Variants in RIMKLB observed in about 807,000 individuals in gnomAD.
The protein encoded by RIMKLB is ribosomal modification protein rimK like family member B.
Under a neutral mutation model 32.0 loss-of-function variants are expected in RIMKLB, and 7 were observed. The observed-to-expected ratio is 0.22, with a 90% CI of 0.12 to 0.41. The LOEUF (loss-of-function observed/expected upper bound fraction) is 0.41, where lower values mean the gene tolerates loss of function less well. Among genes scored for constraint, RIMKLB ranks in the 10% least tolerant of loss-of-function variants. The pLI, the probability that RIMKLB is intolerant of heterozygous loss-of-function variation, is 1.00. For synonymous variants in RIMKLB, 172 were observed against 185.1 expected (o/e 0.93, Z 0.57); for missense variants, 289 against 498.7 (o/e 0.58, Z 4.00).
chr12:8,742,927 A>C, intron 2 of RIMKLB: 1 of 168,562 alleles, frequency 5.9e-6, no homozygotes, highest in Middle Eastern at 1.8e-3. Context: ...GCAACAAGGG[A>C]GCTCTCTCAG....
At chr12:8,734,381 A>C (rs765210073) in intron 2 of RIMKLB, among the ~76,000 whole-genome samples, 17 of 152,334 alleles carry the variant, frequency 1.1e-4, no homozygotes, top group African/African-American at 3.8e-4. Context: ...AGGTATTTTG[A>C]AAGTAAATAT....
At chr12:8,757,008 T>C (rs904536625) in intron 5 of RIMKLB, among the ~76,000 whole-genome samples, 2 of 152,174 alleles carry the variant, frequency 1.3e-5, no homozygotes, top group Non-Finnish European at 2.9e-5. Flanking sequence ...GAAAAATGAC[T>C]TCTGCCTCCT....
Position 8,742,783 on chromosome 12 carries a change from G to A in RIMKLB, c.176-7079G>A, listed in dbSNP as rs780555308. The A allele has an allele frequency of 8.2e-4, 182 of 221,574 alleles. 11 individuals carry two copies. The highest frequency in any genetic ancestry group is 4.1e-3 in the African/African-American group (175 of 42,958). The allele number at this position is 221,574 out of a possible 1,614,324, so 13.7% of individuals were successfully genotyped here. A position where few individuals can be genotyped will look rare whatever the true frequency, so the allele number is the denominator to read the frequency against. ...CTAACCAAGTCCAGGCAGCTTTCCA[G>A]GAGCTGTGCCTTCTGATGGTTATTG... is the stretch of plus-strand genomic sequence containing the variant. On this transcript the variant is annotated intron_variant, in intron 2 of 5. Coordinates refer to ENST00000535829, the MANE Select transcript of RIMKLB (RefSeq NM_001297776.2).
chr12:8,749,971 A>G lies in RIMKLB; in HGVS notation c.285A>G (p.Leu95=), dbSNP rs370832682. The part of the protein sequence containing the change: ...SDSDITVLRH[L]EKMGCRLMNR... ...GTGACATCACTGTTTTGCGCCATCT[A>G]GAGAAGATGGGATGTCGGTTAATGA... Residue 95 remains leucine, a synonymous_variant, in exon 3 of 6, where the codon CTA becomes CTG. Transcript: ENST00000535829. The G allele has an allele frequency of 6.2e-6, 10 of 1,613,276 alleles. No individual in the cohort carries two copies. The African/African-American group carries it at 6.7e-5, about 11-fold the overall frequency.
At chr12:8,727,468 C>G (rs934343118) in intron 2 of RIMKLB, among the ~76,000 whole-genome samples, 1 of 152,164 alleles carries the variant, frequency 6.6e-6, no homozygotes, top group Non-Finnish European at 1.5e-5. Flanking sequence ...TGAACTCAAC[C>G]TCAGGTAATC....
intron 5 of RIMKLB, among the ~76,000 whole-genome samples, chr12:8,759,879 T>G (rs1020750723): frequency 2.0e-5 from 3 of 152,230 alleles, no homozygotes; most frequent in African/African-American, 7.2e-5. Context: ...CTATTAGAGA[T>G]TCTATTAGAG....
At chr12:8,682,771 T>C (rs1211006055) in intron 1 of RIMKLB, among the ~76,000 whole-genome samples, 1 of 113,938 alleles carries the variant, frequency 8.8e-6, no homozygotes, top group Non-Finnish European at 1.8e-5. Flanking sequence ...AGATTCCGCC[T>C]CAAAAAAAAA....
intron 2 of RIMKLB, among the ~76,000 whole-genome samples, chr12:8,723,660 GTTTAT>G (rs934593321): frequency 1.3e-4 from 19 of 151,908 alleles, no homozygotes; most frequent in African/African-American, 4.1e-4. Context: ...GAATCTAGAT[GTTTAT>G]TTCTCTCTAG....
chr12:8,776,303 C>G lies in RIMKLB; in HGVS notation c.*2519C>G, dbSNP rs1950723368. ...TTAGAATGAAAAGAGCAGTAGTTAT[C>G]TTAGATTTTAAAAACATGGATATCT... On this transcript the variant is annotated 3_prime_UTR_variant, in exon 6 of 6. Transcript: ENST00000535829. 3 of 972,594 alleles carry G rather than the reference C, an allele frequency of 3.1e-6. No homozygotes were observed. In the African/African-American group the frequency reaches 5.3e-5, roughly 17 times the overall value. 60.2% of individuals were successfully genotyped at this position (972,594 alleles called of 1,614,324 possible). A position where few individuals can be genotyped will look rare whatever the true frequency, so the allele number is the denominator to read the frequency against.
In RIMKLB at chr12:8,721,554, A is replaced by G. The variant is rs1945440093; in HGVS notation, c.175+7513A>G. Among the ~76,000 whole-genome samples the G allele has an allele frequency of 2.6e-5, 4 of 152,304 alleles. No homozygotes were observed. The South Asian group carries it at 8.3e-4, about 32-fold the overall frequency. ...TGTTCAGCAATCTTCATGAGACTGC[A>G]GCAGTTTAATCCCGTCTCAGGCTAC... is the stretch of plus-strand genomic sequence containing the variant. On this transcript the variant is annotated intron_variant, in intron 2 of 5. Transcript: ENST00000535829.
At chr12:8,748,559 C>CGCAT (rs1555168490) in intron 2 of RIMKLB, among the ~76,000 whole-genome samples, 1,803 of 125,658 alleles carry the variant, frequency 0.014, 20 homozygotes, top group Non-Finnish European at 0.021. Flanking sequence ...TGTGTGTGTG[C>CGCAT]ATATATATAT....
intron 2 of RIMKLB, 81 bp from the exon 3 acceptor site, chr12:8,749,781 C>T: frequency 1.1e-6 from 1 of 880,836 alleles, no homozygotes; most frequent in Admixed American, 2.4e-5. Flanking sequence ...TTTTGTGATC[C>T]AAACTTTGGC....
At chr12:8,674,378 A>C in the RIMKLB span, among the ~76,000 whole-genome samples, 2 of 151,324 alleles carry the variant, frequency 1.3e-5, no homozygotes, top group South Asian at 4.2e-4. Context: ...AGCTGGGACT[A>C]CAAGTGCCCG....
intron 2 of RIMKLB, chr12:8,742,301 C>G (rs945803758): frequency 6.3e-6 from 1 of 157,602 alleles, no homozygotes; most frequent in Non-Finnish European, 1.4e-5. Context: ...GATTTTAATG[C>G]TTTTCATTTG....
intron 2 of RIMKLB, among the ~76,000 whole-genome samples, chr12:8,739,435 G>C (rs1404895161): frequency 6.6e-6 from 1 of 152,112 alleles, no homozygotes; most frequent in Non-Finnish European, 1.5e-5. Flanking sequence ...ATCCCACCTT[G>C]GCCTCCCAAA....
chr12:8,775,101 G>C lies in RIMKLB; in HGVS notation c.*1317G>C, dbSNP rs1340505899. On this transcript the variant is annotated 3_prime_UTR_variant, in exon 6 of 6. Coordinates refer to ENST00000535829, the MANE Select transcript of RIMKLB (RefSeq NM_001297776.2). The stretch of plus-strand genomic sequence containing the variant: ...AGGCCTTTTTGTGTATATGTACGTT[G>C]TTTGTTTTTTTCCTTTTGTTTCTAG... The C allele has an allele frequency of 1.0e-6, 1 of 985,442 alleles. No individual in the cohort carries two copies. Among genetic ancestry groups the C allele is most frequent in the Non-Finnish European group, 1.2e-6 (1 of 829,812 alleles). The allele number at this position is 985,442 out of a possible 1,614,324, so 61.0% of individuals were successfully genotyped here. A position where few individuals can be genotyped will look rare whatever the true frequency, so the allele number is the denominator to read the frequency against.
At chr12:8,760,611 T>C (rs1450695524) in intron 5 of RIMKLB, among the ~76,000 whole-genome samples, 1 of 152,202 alleles carries the variant, frequency 6.6e-6, no homozygotes, top group East Asian at 1.9e-4. Context: ...ACCTGTTGTT[T>C]CCTGACTTTT....
downstream of RIMKLB, chr12:8,780,614 T>C (rs771183093): frequency 6.6e-6 from 1 of 152,320 alleles, no homozygotes; most frequent in Admixed American, 6.5e-5. Context: ...AGGAAGGAAT[T>C]CTTCAGATTG....
chr12:8,765,655 T>G (rs1227762581), intron 5 of RIMKLB, among the ~76,000 whole-genome samples: 1 of 152,182 alleles, frequency 6.6e-6, no homozygotes, highest in Non-Finnish European at 1.5e-5. Flanking sequence ...CGAATTCTCC[T>G]CCTCGCACTG....
Sources: gnomAD v4.1 joint callset for allele counts (sites outside exome capture counted in the v4.1 genomes callset) on GRCh38, gnomAD v4.1.1 for gene constraint, MANE v1.5 for transcripts, NCBI Gene and HGNC (gene_info 2026-07-23, HGNC 2026-07-21) for gene names.